TBC1D13: variants seen among roughly 807,000 people sequenced by gnomAD.
The protein encoded by TBC1D13 is TBC1 domain family member 13.
TBC1D13 carries 40 observed loss-of-function variants against 53.6 expected under a neutral mutation model. That is an observed-to-expected ratio of 0.75 (90% CI 0.58 to 0.97). The LOEUF is 0.97. Ranked by LOEUF, TBC1D13 falls within the 50% of genes least tolerant of loss-of-function variation. The probability of loss-of-function intolerance (pLI) is 0.00; values close to 1 mark genes in which losing one functional copy is unlikely to be tolerated. For synonymous variants in TBC1D13, 182 were observed against 197.7 expected (o/e 0.92, Z 0.67); for missense variants, 377 against 499.4 (o/e 0.75, Z 2.34).
chr9:128,804,568 G>A (rs1381884666), intron 9 of TBC1D13, among the ~76,000 whole-genome samples: 1 of 151,468 alleles, frequency 6.6e-6, no homozygotes, highest in Non-Finnish European at 1.5e-5. Flanking sequence ...CACTGTGCCC[G>A]GCTAATTTTT....
chr9:128,791,630 C>T lies in TBC1D13; in HGVS notation c.237C>T (p.Ile79=), dbSNP rs1829535179. Residue 79 remains isoleucine, a synonymous_variant, in exon 5 of 12, where the codon ATC becomes ATT. Coordinates refer to ENST00000372648, the MANE Select transcript of TBC1D13 (RefSeq NM_018201.5). The stretch of plus-strand genomic sequence containing the variant: ...CCCAGTTCCTGAGGGAAATGATCAT[C>T]CAGCCTGGCATTGCCAAGGCCAACA... ...LYAQFLREMI[I]QPGIAKANMG... 2 of 1,614,236 alleles carry T rather than the reference C, an allele frequency of 1.2e-6. No homozygotes were observed. The highest frequency in any genetic ancestry group is 1.7e-6 in the Non-Finnish European group (2 of 1,180,038).
intron 5 of TBC1D13, among the ~76,000 whole-genome samples, chr9:128,792,171 C>T (rs560568716): frequency 6.6e-6 from 1 of 152,348 alleles, no homozygotes; most frequent in Admixed American, 6.5e-5. Flanking sequence ...ATTCAGCAAG[C>T]AAACATTTAC....
chr9:128,804,508 G>A (rs901367130), intron 9 of TBC1D13, among the ~76,000 whole-genome samples: 3 of 150,760 alleles, frequency 2.0e-5, no homozygotes, highest in African/African-American at 7.3e-5. Flanking sequence ...CCAGGTTCAT[G>A]CCATTCTCCT....
chr9:128,792,248 C>G (rs1791881220), intron 5 of TBC1D13, among the ~76,000 whole-genome samples: 1 of 152,214 alleles, frequency 6.6e-6, no homozygotes, highest in African/African-American at 2.4e-5. Context: ...GAGTCCCTGC[C>G]CAGCAGAGAA....
chr9:128,795,191 A>G (rs1030440715), intron 6 of TBC1D13, among the ~76,000 whole-genome samples: 3 of 150,316 alleles, frequency 2.0e-5, no homozygotes, highest in African/African-American at 7.3e-5. Context: ...AGTAGCCAGG[A>G]CTGTAGGCAC....
chr9:128,788,323 T>C lies in TBC1D13; in HGVS notation c.24-11T>C, dbSNP rs200679469. On this transcript the variant is annotated splice_polypyrimidine_tract_variant and intron_variant, in intron 1 of 11. Coordinates refer to ENST00000372648, the MANE Select transcript of TBC1D13 (RefSeq NM_018201.5). ...AGCATGCTTCATTTGCCGCCCTATC[T>C]CCCCTTCCAGAATTGCAGATTTCCA... 1.5e-5 allele frequency: 24 copies of C among 1,613,738 alleles called. No homozygotes were observed. The Admixed American group carries it at 3.5e-4, about 24-fold the overall frequency.
chr9:128,800,090 A>G (rs545566827), intron 7 of TBC1D13, among the ~76,000 whole-genome samples: 1 of 152,326 alleles, frequency 6.6e-6, no homozygotes, highest in East Asian at 1.9e-4. Flanking sequence ...ACATCCCTGC[A>G]TGTGTGCGCA....
intron 7 of TBC1D13, among the ~76,000 whole-genome samples, chr9:128,800,953 G>A (rs1829722247): frequency 6.6e-6 from 1 of 151,946 alleles, no homozygotes; most frequent in African/African-American, 2.4e-5. Flanking sequence ...CCTGAAGTCA[G>A]GAGTTTGAGA....
rs776390926 is a variant in TBC1D13 at position 128,807,797 on chromosome 9, C to T, written c.1138-17C>T. The stretch of plus-strand genomic sequence containing the variant: ...AAGTGGCTTCAGAGGCAACTGTTGG[C>T]CTTTTCCTGTGCCCAGGACTACCCC... On this transcript the variant is annotated splice_polypyrimidine_tract_variant and intron_variant, in intron 11 of 11. Coordinates refer to ENST00000372648, the MANE Select transcript of TBC1D13 (RefSeq NM_018201.5). 1 of 1,613,940 alleles carries T rather than the reference C, an allele frequency of 6.2e-7. No homozygotes were observed. The highest frequency in any genetic ancestry group is 1.3e-5 in the African/African-American group (1 of 75,030).
rs745931391 is a variant in TBC1D13, at chr9:128,805,839, C to T, written c.919-20C>T. ...GCCAACACAGAGTCATGCCCCCCAC[C>T]CCCCACGCTGTCTCCCCAGCAAGAG... On this transcript the variant is annotated intron_variant, in intron 9 of 11. Coordinates refer to ENST00000372648, the MANE Select transcript of TBC1D13 (RefSeq NM_018201.5). 46 of 1,609,902 alleles carry T rather than the reference C, an allele frequency of 2.9e-5. No homozygotes were observed. Among genetic ancestry groups the T allele is most frequent in the Middle Eastern group, 1.7e-4 (1 of 6,040 alleles).
chr9:128,807,363 A>T (rs1362928988), intron 11 of TBC1D13, among the ~76,000 whole-genome samples: 1 of 152,130 alleles, frequency 6.6e-6, no homozygotes, highest in African/African-American at 2.4e-5. Flanking sequence ...CTGAGATTAC[A>T]GGTGTGAGCC....
chr9:128,799,796 C>T (rs1373456468), intron 7 of TBC1D13, among the ~76,000 whole-genome samples: 2 of 152,178 alleles, frequency 1.3e-5, no homozygotes, highest in East Asian at 1.9e-4. Context: ...CTGAGGCGGG[C>T]GGATCATGAG....
Position 128,797,227 on chromosome 9 carries a change from C to G in TBC1D13, c.543+13C>G, listed in dbSNP as rs537707990. On this transcript the variant is annotated intron_variant, in intron 7 of 11. Transcript: ENST00000372648. The stretch of plus-strand genomic sequence containing the variant: ...TGGGGTCACAAATGTGAGTGCCAAC[C>G]TGGGGTCCCCAGGGACTCCCCCAAC... 1 of 1,613,446 alleles carries G rather than the reference C, an allele frequency of 6.2e-7. No individual in the cohort carries two copies. Among genetic ancestry groups the G allele is most frequent in the Non-Finnish European group, 8.5e-7 (1 of 1,179,638 alleles).
chr9:128,807,795 G>T lies in TBC1D13; in HGVS notation c.1138-19G>T. On this transcript the variant is annotated intron_variant, in intron 11 of 11. Transcript: ENST00000372648. ...TGAAGTGGCTTCAGAGGCAACTGTT[G>T]GCCTTTTCCTGTGCCCAGGACTACC... 1 of 1,613,894 alleles carries T rather than the reference G, an allele frequency of 6.2e-7. No homozygotes were observed. Among genetic ancestry groups the T allele is most frequent in the Non-Finnish European group, 8.5e-7 (1 of 1,179,806 alleles).
rs1335235941 is a variant in TBC1D13, at chr9:128,809,396, AG to A, written c.*1518del. 6.6e-6 allele frequency: 1 copy of A among 152,126 alleles called. No individual in the cohort carries two copies. Among genetic ancestry groups the A allele is most frequent in the Non-Finnish European group, 1.5e-5 (1 of 68,034 alleles). The allele number at this position is 152,126 out of a possible 1,614,324, so 9.4% of individuals were successfully genotyped here. A position where few individuals can be genotyped will look rare whatever the true frequency, so the allele number is the denominator to read the frequency against. The stretch of plus-strand genomic sequence containing the variant: ...GACTGGCTGGCAGGAGTCAGGCCCC[AG>A]CAGCCCTCCTGCCCCCAAAGCTTTC... On this transcript the variant is annotated 3_prime_UTR_variant, in exon 12 of 12. Coordinates refer to ENST00000372648, the MANE Select transcript of TBC1D13 (RefSeq NM_018201.5).
At chr9:128,797,328 C>T (rs1401549832) in intron 7 of TBC1D13, 114 bp downstream of exon 7, 10 of 1,131,758 alleles carry the variant, frequency 8.8e-6, no homozygotes, top group South Asian at 3.1e-5. Context: ...GACAGTTACT[C>T]AGCGCAATCC....
At chr9:128,800,343 A>G (rs1469163349) in intron 7 of TBC1D13, among the ~76,000 whole-genome samples, 2 of 143,628 alleles carry the variant, frequency 1.4e-5, no homozygotes, top group African/African-American at 5.3e-5. Context: ...AGTAGGGATC[A>G]TCATCTCTTT....
In TBC1D13 at chr9:128,808,173, G is replaced by T; in HGVS notation, c.*294G>T. 1 of 416,014 alleles carries T rather than the reference G, an allele frequency of 2.4e-6. No homozygotes were observed. Among genetic ancestry groups the T allele is most frequent in the South Asian group, 2.9e-5 (1 of 35,018 alleles). The allele number at this position is 416,014 out of a possible 1,614,324, so 25.8% of individuals were successfully genotyped here. On this transcript the variant is annotated 3_prime_UTR_variant, in exon 12 of 12. Transcript: ENST00000372648. ...TTCTGGCACTGGGAGGCTGGCAGGGGCCCCTCCCTGCCTCGGCTCTGCCGC... is the reference window on the plus strand; with the variant it reads ...TTCTGGCACTGGGAGGCTGGCAGGGTCCCCTCCCTGCCTCGGCTCTGCCGC...
chr9:128,798,519 G>A (rs1829676257), intron 7 of TBC1D13, among the ~76,000 whole-genome samples: 1 of 152,180 alleles, frequency 6.6e-6, no homozygotes, highest in African/African-American at 2.4e-5. Flanking sequence ...TGGAGATACA[G>A]GAGTGGCGGT....
Sources: gnomAD v4.1 joint callset for allele counts (sites outside exome capture counted in the v4.1 genomes callset) on GRCh38, gnomAD v4.1.1 for gene constraint, MANE v1.5 for transcripts, NCBI Gene and HGNC (gene_info 2026-07-23, HGNC 2026-07-21) for gene names.